The following ARHGAP35 variants were observed in gnomAD, a reference collection of about 807,000 sequenced individuals.
The protein encoded by ARHGAP35 is rho GTPase-activating protein 35.
ARHGAP35 carries 15 observed loss-of-function variants against 111.1 expected under a neutral mutation model. The ratio of observed to expected loss-of-function variants is 0.13; its 90% confidence interval spans 0.09 to 0.21. The LOEUF is 0.21. ARHGAP35 is among the 10% of genes least tolerant of loss of function. ARHGAP35 has a pLI of 1.00. For synonymous variants in ARHGAP35, 643 were observed against 710.3 expected, an observed-to-expected ratio of 0.91 and a Z score of 1.51; for missense variants, 1,262 against 1,873.0, an observed-to-expected ratio of 0.67 and a Z score of 6.02.
intron 1 of ARHGAP35, among the ~76,000 whole-genome samples, chr19:46,891,417 G>A (rs937654485): frequency 1.3e-5 from 2 of 151,346 alleles, no homozygotes; most frequent in Non-Finnish European, 2.9e-5. Flanking sequence ...TTTTGCTAGG[G>A]CAAGTTTTTT....
In ARHGAP35 at chr19:46,988,404, A is replaced by G. The variant is rs960049339; in HGVS notation, c.3904+338A>G. On this transcript the variant is annotated intron_variant, in intron 4 of 6. Coordinates refer to ENST00000672722, the MANE Select transcript of ARHGAP35 (RefSeq NM_004491.5). The surrounding 1 kb of genome is among the most constrained non-coding windows in gnomAD (Gnocchi z 5.4). ...TTCCCATGCAGAGCTAGTTGCAGGCACATGATATACAAGTCGGGTTGAGAT... is the reference window on the plus strand; with the variant it reads ...TTCCCATGCAGAGCTAGTTGCAGGCGCATGATATACAAGTCGGGTTGAGAT... The G allele has an allele frequency of 1.3e-5, 4 of 296,742 alleles. No homozygotes were observed. The highest frequency in any genetic ancestry group is 6.6e-5 in the African/African-American group (3 of 45,524). The allele number at this position is 296,742 out of a possible 1,614,324, so 18.4% of individuals were successfully genotyped here. A position where few individuals can be genotyped will look rare whatever the true frequency, so the allele number is the denominator to read the frequency against.
chr19:46,922,484 T>A lies in ARHGAP35; in HGVS notation c.3681+128T>A. On this transcript the variant is annotated intron_variant, in intron 2 of 6. Coordinates refer to ENST00000672722, the MANE Select transcript of ARHGAP35 (RefSeq NM_004491.5). The surrounding 1 kb of genome is among the most constrained non-coding windows in gnomAD (Gnocchi z 4.0). ...AACTGCCCTGTGTGTGTATTTGACT[T>A]AACATAAAAAAGCAGTGCCTCAATT... is the stretch of plus-strand genomic sequence containing the variant. 1.1e-6 allele frequency: 1 copy of A among 930,482 alleles called. No individual in the cohort carries two copies. Among genetic ancestry groups the A allele is most frequent in the Non-Finnish European group, 1.5e-6 (1 of 652,820 alleles). The allele number at this position is 930,482 out of a possible 1,614,324, so 57.6% of individuals were successfully genotyped here. A position where few individuals can be genotyped will look rare whatever the true frequency, so the allele number is the denominator to read the frequency against.
chr19:46,914,566 A>G (rs1274373889), intron 1 of ARHGAP35, among the ~76,000 whole-genome samples: 2 of 152,190 alleles, frequency 1.3e-5, no homozygotes, highest in East Asian at 1.9e-4. Flanking sequence ...GCAGTGAGCT[A>G]TGATTACAGC....
rs748341524 is a variant in ARHGAP35 at position 46,919,830 on chromosome 19, G to A, written c.1155G>A (p.Glu385=). ...TGAAGTGGTTTGTTGTGCTTGAAGA[G>A]ACCCCATGGGATGCCACCAGTCACA... is the stretch of plus-strand genomic sequence containing the variant. ...EFLKWFVVLE[E]TPWDATSHID... is the part of the protein sequence containing the mutation. Residue 385 remains glutamate, a synonymous_variant, in exon 2 of 7, where the codon GAG becomes GAA. Transcript: ENST00000672722. The surrounding 1 kb of genome is among the most constrained non-coding windows in gnomAD (Gnocchi z 6.2). 1.4e-5 allele frequency: 23 copies of A among 1,614,046 alleles called. 1 individual carries two copies. The South Asian group carries it at 2.4e-4, about 17-fold the overall frequency.
intron 1 of ARHGAP35, among the ~76,000 whole-genome samples, chr19:46,887,115 A>G (rs553446654): frequency 1.1e-4 from 16 of 151,900 alleles, no homozygotes; most frequent in African/African-American, 3.9e-4. Context: ...ACTCCCTAAC[A>G]GTTGTTTGTA....
At chr19:46,906,680 C>T (rs943877226) in intron 1 of ARHGAP35, among the ~76,000 whole-genome samples, 8 of 152,200 alleles carry the variant, frequency 5.3e-5, no homozygotes, top group African/African-American at 1.9e-4. Context: ...TTAGCCTTAG[C>T]TTCAGTACAG....
chr19:46,979,269 C>G (rs748957909), intron 3 of ARHGAP35, among the ~76,000 whole-genome samples: 3 of 152,108 alleles, frequency 2.0e-5, no homozygotes, highest in Non-Finnish European at 4.4e-5. Context: ...GGCATGCCAG[C>G]AAAGTCACAC....
chr19:46,876,399 A>T (rs1053154001), intron 1 of ARHGAP35, among the ~76,000 whole-genome samples: 3 of 151,290 alleles, frequency 2.0e-5, no homozygotes, highest in Non-Finnish European at 4.4e-5. Flanking sequence ...TTTAAGATGG[A>T]GTCTCACTCT....
chr19:46,912,296 G>A (rs749613465), intron 1 of ARHGAP35, among the ~76,000 whole-genome samples: 2 of 151,580 alleles, frequency 1.3e-5, no homozygotes, highest in African/African-American at 2.4e-5. Context: ...CACCTGCCTC[G>A]GCCTCCCAAA....
In ARHGAP35 at chr19:46,994,953, T is replaced by A. The variant is rs1277482852; in HGVS notation, c.4037-4351T>A. ...ATCCCCACGTGCTCAGCCCAGCCCT[T>A]CTCATGCTCACCTGCCTCTGGGTCA... On this transcript the variant is annotated intron_variant, in intron 5 of 6. Transcript: ENST00000672722. The surrounding 1 kb of genome is among the most constrained non-coding windows in gnomAD (Gnocchi z 5.4). 6.6e-6 allele frequency among the ~76,000 whole-genome samples: 1 copy of A among 152,114 alleles called. No individual in the cohort carries two copies. The highest frequency in any genetic ancestry group is 2.4e-5 in the African/African-American group (1 of 41,408).
chr19:46,986,296 G>C lies in ARHGAP35; in HGVS notation c.3827-1693G>C, dbSNP rs1261280847. 6.6e-6 allele frequency among the ~76,000 whole-genome samples: 1 copy of C among 152,136 alleles called. No individual in the cohort carries two copies. The highest frequency in any genetic ancestry group is 1.5e-5 in the Non-Finnish European group (1 of 68,036). On this transcript the variant is annotated intron_variant, in intron 3 of 6. Transcript: ENST00000672722. This position sits in a 1 kb window ranked among gnomAD's most constrained non-coding sequence, Gnocchi z 4.3. ...ACTCTAAGCTGAACAGTGCTCCTCT[G>C]CCCACGGTAGGATGGGGAGGGAGTG... is the stretch of plus-strand genomic sequence containing the variant.
chr19:46,883,125 C>T lies in ARHGAP35; in HGVS notation c.-189+21916C>T, dbSNP rs567097689. 1.5e-3 allele frequency among the ~76,000 whole-genome samples: 231 copies of T among 151,984 alleles called. 1 individual carries two copies. Among genetic ancestry groups the T allele is most frequent in the African/African-American group, 5.3e-3 (219 of 41,464 alleles). ...TTCTTTTTTTTTTGAAACAGAGTCT[C>T]GCTCTGTTGCCCAGGTTGGAGTGTA... On this transcript the variant is annotated intron_variant, in intron 1 of 6. Transcript: ENST00000672722.
intron 3 of ARHGAP35, among the ~76,000 whole-genome samples, chr19:46,955,165 CA>C (rs2056432449): frequency 6.6e-6 from 1 of 152,192 alleles, no homozygotes; most frequent in Non-Finnish European, 1.5e-5. Flanking sequence ...CCAGCCTGAG[CA>C]GAACTCAATG....
In ARHGAP35 at chr19:46,986,586, A is replaced by G. The variant is rs574334034; in HGVS notation, c.3827-1403A>G. On this transcript the variant is annotated intron_variant, in intron 3 of 6. Coordinates refer to ENST00000672722, the MANE Select transcript of ARHGAP35 (RefSeq NM_004491.5). This position sits in a 1 kb window ranked among gnomAD's most constrained non-coding sequence, Gnocchi z 4.3. ...TGAAAGCCTAAAATTTTTGAATTAT[A>G]TACTTCAACAAATTCAGTAAACAAA... is the stretch of plus-strand genomic sequence containing the variant. 1.6e-4 allele frequency among the ~76,000 whole-genome samples: 24 copies of G among 152,370 alleles called. No homozygotes were observed. In the South Asian group the frequency reaches 2.7e-3, roughly 17 times the overall value.
At chr19:46,940,137 G>A (rs906645985) in intron 3 of ARHGAP35, among the ~76,000 whole-genome samples, 4 of 151,950 alleles carry the variant, frequency 2.6e-5, no homozygotes, top group East Asian at 3.9e-4. Context: ...TTGAGAGGCT[G>A]AGGCGGAAGA....
In ARHGAP35 at chr19:46,988,087, G is replaced by C; in HGVS notation, c.3904+21G>C. 6.2e-7 allele frequency: 1 copy of C among 1,610,370 alleles called. No homozygotes were observed. The highest frequency in any genetic ancestry group is 8.5e-7 in the Non-Finnish European group (1 of 1,178,008). On this transcript the variant is annotated intron_variant, in intron 4 of 6. Transcript: ENST00000672722. The surrounding 1 kb of genome is among the most constrained non-coding windows in gnomAD (Gnocchi z 5.4). Reference sequence around the variant, plus strand: ...TCAAGGTAAAGTGCAGCCTGGCCAGGCATCCGAGGCCAGAGCTGGTCAAGG... The same window carrying C: ...TCAAGGTAAAGTGCAGCCTGGCCAGCCATCCGAGGCCAGAGCTGGTCAAGG...
Position 46,994,773 on chromosome 19 carries a change from C to T in ARHGAP35, c.4037-4531C>T, listed in dbSNP as rs2056698266. On this transcript the variant is annotated intron_variant, in intron 5 of 6. Coordinates refer to ENST00000672722, the MANE Select transcript of ARHGAP35 (RefSeq NM_004491.5). This position sits in a 1 kb window ranked among gnomAD's most constrained non-coding sequence, Gnocchi z 5.4. Reference sequence around the variant, plus strand: ...CATCCCCAGTGTGTAAAATAGTACCCAGGCAGGAGCGGGTCCCCGTAAATA... The same window carrying T: ...CATCCCCAGTGTGTAAAATAGTACCTAGGCAGGAGCGGGTCCCCGTAAATA... Among the ~76,000 whole-genome samples the T allele has an allele frequency of 6.6e-6, 1 of 152,182 alleles. No homozygotes were observed. Among genetic ancestry groups the T allele is most frequent in the Non-Finnish European group, 1.5e-5 (1 of 68,028 alleles).
intron 2 of ARHGAP35, among the ~76,000 whole-genome samples, chr19:46,932,629 C>A: frequency 6.6e-6 from 1 of 152,128 alleles, no homozygotes; most frequent in East Asian, 1.9e-4. Flanking sequence ...CACCCCAAAC[C>A]CTGATTTTCT....
Position 46,898,019 on chromosome 19 carries a change from G to A in ARHGAP35, c.-188-20469G>A, listed in dbSNP as rs150163488. 3.0e-3 allele frequency among the ~76,000 whole-genome samples: 456 copies of A among 152,246 alleles called. 2 individuals are homozygous for A. Among genetic ancestry groups the A allele is most frequent in the Admixed American group, 4.6e-3 (71 of 15,292 alleles). On this transcript the variant is annotated intron_variant, in intron 1 of 6. Coordinates refer to ENST00000672722, the MANE Select transcript of ARHGAP35 (RefSeq NM_004491.5). ...TAAGAAGTGCCTACTTTTGGAGGCC[G>A]AGGTAGGTGGATCACCTGAGGTCAG...
Sources: allele counts gnomAD v4.1 joint callset (sites outside exome capture counted in the v4.1 genomes callset), GRCh38; gene constraint gnomAD v4.1.1; non-coding constraint Gnocchi (gnomAD v3.1); transcripts MANE v1.5; gene names NCBI Gene and HGNC (gene_info 2026-07-23, HGNC 2026-07-21).